Variants in COPA observed in about 807,000 individuals in gnomAD.
COPA encodes the protein coatomer subunit alpha.
Under a neutral mutation model 158.7 loss-of-function variants are expected in COPA, and 10 were observed. The ratio of observed to expected loss-of-function variants is 0.06; its 90% confidence interval spans 0.04 to 0.11. The LOEUF (loss-of-function observed/expected upper bound fraction) is 0.11, where lower values mean the gene tolerates loss of function less well. COPA is among the 10% of genes least tolerant of loss of function. COPA has a pLI of 1.00. For synonymous variants in COPA, 462 were observed against 542.8 expected (o/e 0.85, Z 2.07); for missense variants, 1,065 against 1,536.7 (o/e 0.69, Z 5.13).
At chr1:160,310,730 A>G (rs1447384246) in intron 11 of COPA, among the ~76,000 whole-genome samples, 1 of 152,172 alleles carries the variant, frequency 6.6e-6, no homozygotes, top group Non-Finnish European at 1.5e-5. Context: ...TGAATGTTTC[A>G]GCATGCTGAT....
At chr1:160,336,972 T>G (rs749420149) in intron 3 of COPA, among the ~76,000 whole-genome samples, 2 of 152,150 alleles carry the variant, frequency 1.3e-5, no homozygotes, top group Non-Finnish European at 2.9e-5. Context: ...GCATTATGTA[T>G]GGAAATAAGA....
At position 160,323,503 on chromosome 1, in the gene COPA, C is replaced by G; in HGVS notation, c.634G>C (p.Ala212Pro). The G allele has an allele frequency of 6.2e-7, 1 of 1,610,932 alleles. No homozygotes were observed. The highest frequency in any genetic ancestry group is 8.5e-7 in the Non-Finnish European group (1 of 1,178,174). ...EGHDRGVNWA[A>P]FHPTMPLIVS... ...ATAAGGGGCATAGTGGGGTGGAAGG[C>G]AGCCCAGTTTACTCCACGATCGTGA... The change falls in exon 8 of 33, where the codon GCC becomes CCC. Residue 212 changes from alanine to proline, a missense_variant. Ala to Pro is a conservative substitution (Grantham distance 27). Around this residue, in one of 2 missense-constraint regions of COPA, gnomAD observed 980 missense variants for 1,357.8 expected, o/e 0.72. Coordinates refer to ENST00000241704, the MANE Select transcript of COPA (RefSeq NM_004371.4).
At chr1:160,300,271 C>T (rs965807609) in intron 17 of COPA, among the ~76,000 whole-genome samples, 16 of 151,566 alleles carry the variant, frequency 1.1e-4, no homozygotes, top group South Asian at 1.0e-3. Flanking sequence ...ACCCGAGAGA[C>T]GGAGGTTGCC....
At chr1:160,327,157 T>C (rs1647270620) in intron 6 of COPA, among the ~76,000 whole-genome samples, 3 of 152,184 alleles carry the variant, frequency 2.0e-5, no homozygotes, top group Non-Finnish European at 4.4e-5. Flanking sequence ...TTTGGGGGAA[T>C]AGTGGAAGAT....
chr1:160,317,641 G>A, intron 8 of COPA: 2 of 1,528,280 alleles, frequency 1.3e-6, no homozygotes, highest in East Asian at 2.3e-5. Flanking sequence ...AAAAGAACTG[G>A]GAATGGAGGA....
chr1:160,309,263 C>A (rs913278485), intron 12 of COPA, 87 bp from the exon 13 acceptor site: 9 of 961,430 alleles, frequency 9.4e-6, no homozygotes, highest in Non-Finnish European at 1.5e-5. Flanking sequence ...GAAAACAGTT[C>A]CATTGCACAG....
intron 9 of COPA, among the ~76,000 whole-genome samples, chr1:160,313,566 C>T (rs956819603): frequency 6.6e-6 from 1 of 152,148 alleles, no homozygotes; most frequent in Non-Finnish European, 1.5e-5. Flanking sequence ...AGGCGCCCGC[C>T]ACCACGCCCG....
intron 13 of COPA, among the ~76,000 whole-genome samples, chr1:160,307,688 A>G (rs1658834691): frequency 6.6e-6 from 1 of 152,150 alleles, no homozygotes; most frequent in Non-Finnish European, 1.5e-5. Flanking sequence ...GAGGCAGAGC[A>G]CTCCCAACTA....
intron 6 of COPA, among the ~76,000 whole-genome samples, chr1:160,330,128 C>CA (rs34477637): frequency 2.7e-4 from 41 of 150,924 alleles, no homozygotes; most frequent in African/African-American, 8.3e-4. Context: ...CCACCCCCCC[C>CA]AAAAAAAAAT....
chr1:160,302,549 C>CTTTTTTTTTT (rs35112618), intron 17 of COPA, among the ~76,000 whole-genome samples: 3 of 91,688 alleles, frequency 3.3e-5, no homozygotes, highest in Admixed American at 1.3e-4. Context: ...TCACAAGTTA[C>CTTTTTTTTTT]TTTTTTTTTT....
chr1:160,291,765 T>G, intron 30 of COPA, 54 bp downstream of exon 30: 1 of 1,550,278 alleles, frequency 6.5e-7, no homozygotes. Context: ...TCAAACCTAG[T>G]GAAGGGTGAA....
chr1:160,322,304 C>T (rs1211246924), intron 8 of COPA, among the ~76,000 whole-genome samples: 1 of 152,114 alleles, frequency 6.6e-6, no homozygotes, highest in East Asian at 1.9e-4. Flanking sequence ...AGATATAAAT[C>T]CACAAATCTA....
chr1:160,340,445 G>A, intron 1 of COPA, 151 bp from the exon 2 acceptor site: 1 of 604,848 alleles, frequency 1.7e-6, no homozygotes, highest in South Asian at 2.0e-5. Flanking sequence ...CAGACATCGT[G>A]AATTTTATGT....
intron 22 of COPA, 43 bp downstream of exon 22, chr1:160,296,018 G>T (rs772600700): frequency 6.3e-7 from 1 of 1,597,184 alleles, no homozygotes; most frequent in South Asian, 1.1e-5. Context: ...AGATCCTAGA[G>T]TTAATCCTGT....
chr1:160,310,918 C>T (rs116563245), intron 11 of COPA, among the ~76,000 whole-genome samples: 79 of 152,236 alleles, frequency 5.2e-4, no homozygotes, highest in African/African-American at 1.9e-3. Flanking sequence ...GTTCTGTTAC[C>T]AGTTTGGGCC....
chr1:160,327,972 A>C (rs1036804041), intron 6 of COPA, among the ~76,000 whole-genome samples: 2 of 152,222 alleles, frequency 1.3e-5, no homozygotes, highest in African/African-American at 4.8e-5. Flanking sequence ...AAATTATAAT[A>C]TATCTCTTCT....
intron 8 of COPA, among the ~76,000 whole-genome samples, chr1:160,318,486 A>AC (rs1557870044): frequency 3.5e-4 from 24 of 69,004 alleles, no homozygotes; most frequent in South Asian, 1.1e-3. Flanking sequence ...AAAAAAAAAA[A>AC]AAAAACAAAA....
chr1:160,294,930 G>A (rs771832110), intron 23 of COPA, 73 bp from the exon 24 acceptor site: 16 of 1,287,944 alleles, frequency 1.2e-5, no homozygotes, highest in Non-Finnish European at 1.7e-5. Context: ...TCTGTAGGCA[G>A]GTTAAATCCT....
In COPA at chr1:160,305,684, T is replaced by G; in HGVS notation, c.1528+4A>C. The G allele has an allele frequency of 1.2e-6, 2 of 1,614,116 alleles. No homozygotes were observed. Among genetic ancestry groups the G allele is most frequent in the Non-Finnish European group, 1.7e-6 (2 of 1,179,976 alleles). ...AAATCAGGGTGGATATAATGAAGAC[T>G]CACCGTGTTTGGCTAGTAGTGCTAC... On this transcript the variant is annotated splice_donor_region_variant and intron_variant, in intron 16 of 32. Coordinates refer to ENST00000241704, the MANE Select transcript of COPA (RefSeq NM_004371.4).
Sources: gnomAD v4.1 joint callset for allele counts (sites outside exome capture counted in the v4.1 genomes callset) on GRCh38, gnomAD v4.1.1 for gene constraint, gnomAD v4.1.1 regional missense constraint, MANE v1.5 for transcripts, NCBI Gene and HGNC (gene_info 2026-07-23, HGNC 2026-07-21) for gene names.